CD8B: variants seen among roughly 807,000 people sequenced by gnomAD.
CD8B encodes the protein CD8 subunit beta, also known as T-cell surface glycoprotein CD8 beta chain.
Under a neutral mutation model 24.2 loss-of-function variants are expected in CD8B, and 6 were observed. The observed-to-expected ratio is 0.25, with a 90% CI of 0.14 to 0.49. The LOEUF (loss-of-function observed/expected upper bound fraction) is 0.49. Among genes scored for constraint, CD8B ranks in the 20% least tolerant of loss-of-function variants. The pLI is 0.98. For synonymous variants in CD8B, 84 were observed against 108.3 expected (o/e 0.78, Z 1.39); for missense variants, 196 against 271.3 (o/e 0.72, Z 1.95).
At chr2:86,823,318 G>A (rs1246004322) in intron 5 of CD8B, among the ~76,000 whole-genome samples, 2 of 152,120 alleles carry the variant, frequency 1.3e-5, no homozygotes, top group African/African-American at 4.8e-5. Flanking sequence ...CTGTCACCCA[G>A]GCTGGTTGGT....
intron 5 of CD8B, among the ~76,000 whole-genome samples, chr2:86,823,631 G>A (rs563227635): frequency 5.3e-5 from 8 of 152,238 alleles, no homozygotes; most frequent in Non-Finnish European, 1.2e-4. Flanking sequence ...GCCCTGATTT[G>A]TTTTCATTGT....
At chr2:86,827,021 A>G (rs942282162) in intron 5 of CD8B, among the ~76,000 whole-genome samples, 2 of 152,082 alleles carry the variant, frequency 1.3e-5, no homozygotes, top group East Asian at 1.9e-4. Flanking sequence ...GGGTTTCACC[A>G]TGTTGGCCAG....
At position 86,840,309 on chromosome 2, in the gene CD8B, G is replaced by A. The variant is rs1034440588; in HGVS notation, c.*1998C>T. Among the ~76,000 whole-genome samples, 9 of 152,124 alleles carry A rather than the reference G, an allele frequency of 5.9e-5. No homozygotes were observed. The highest frequency in any genetic ancestry group is 1.3e-4 in the Non-Finnish European group (9 of 68,034). On this transcript the variant is annotated 3_prime_UTR_variant, in exon 6 of 6. Transcript: ENST00000390655. ...GCAAACGGAAAACACCTGGGTCTGG[G>A]GGCAGGGCATCTAAGGCCAATTAAC...
intron 3 of CD8B, among the ~76,000 whole-genome samples, chr2:86,852,140 C>T (rs1676007046): frequency 6.6e-6 from 1 of 152,212 alleles, no homozygotes; most frequent in South Asian, 2.1e-4. Context: ...AATTTTTTTA[C>T]ATTTTCGTAG....
chr2:86,829,295 C>G (rs1674817290), intron 5 of CD8B, among the ~76,000 whole-genome samples: 1 of 151,862 alleles, frequency 6.6e-6, no homozygotes. Context: ...TTAGTAGAGA[C>G]AGGGTTTCAC....
At chr2:86,837,632 G>A (rs1258348149), downstream of CD8B, among the ~76,000 whole-genome samples, 2 of 126,498 alleles carry the variant, frequency 1.6e-5, no homozygotes, top group Non-Finnish European at 3.2e-5. Context: ...ATCACTTTCT[G>A]AAAACAAGTT....
downstream of CD8B, among the ~76,000 whole-genome samples, chr2:86,834,991 A>G (rs1347244619): frequency 6.6e-6 from 1 of 151,670 alleles, no homozygotes; most frequent in African/African-American, 2.4e-5. Context: ...CGCCCCACCA[A>G]ATCGCCTGCC....
At chr2:86,834,750 C>G (rs929355037), downstream of CD8B, among the ~76,000 whole-genome samples, 1 of 152,088 alleles carries the variant, frequency 6.6e-6, no homozygotes, top group Admixed American at 6.6e-5. Flanking sequence ...GCCTGACCAA[C>G]ATGGTGAAAC....
chr2:86,824,491 G>A (rs1047567243), intron 5 of CD8B, among the ~76,000 whole-genome samples: 1 of 152,210 alleles, frequency 6.6e-6, no homozygotes, highest in Non-Finnish European at 1.5e-5. Context: ...GCAGCTAAGG[G>A]AATGAAGAGT....
intron 5 of CD8B, among the ~76,000 whole-genome samples, chr2:86,828,306 T>TTGTGTGTGTGTGTGTGTGTGTGTGTGTG (rs72236144): frequency 7.0e-6 from 1 of 143,430 alleles, no homozygotes; most frequent in African/African-American, 2.5e-5. Flanking sequence ...ATAACTGGAA[T>TTGTGTGTGTGTGTGTGTGTGTGTGTGTG]TGTGTGTGTG....
downstream of CD8B, among the ~76,000 whole-genome samples, chr2:86,833,839 T>C (rs1210757073): frequency 2.6e-5 from 4 of 151,176 alleles, no homozygotes; most frequent in African/African-American, 9.7e-5. Context: ...TTAATAGAGA[T>C]GGGGTTTCAC....
In CD8B at chr2:86,857,982, C is replaced by G. The variant is rs1025129958; in HGVS notation, c.403+75G>C. 7.4e-6 allele frequency: 11 copies of G among 1,483,924 alleles called. 1 individual carries two copies. The highest frequency in any genetic ancestry group is 1.8e-4 in the Middle Eastern group (1 of 5,650). 91.9% of individuals were successfully genotyped at this position (1,483,924 alleles called of 1,614,324 possible). A position where few individuals can be genotyped will look rare whatever the true frequency, so the allele number is the denominator to read the frequency against. ...GGCTGCAGAGTGGGGCACACTGAAG[C>G]CTGGTGGTCCCAGTGCCTGGCACGT... On this transcript the variant is annotated intron_variant, in intron 2 of 5. Transcript: ENST00000390655.
chr2:86,844,131 C>CA (rs1675559462), intron 5 of CD8B, among the ~76,000 whole-genome samples: 1 of 152,022 alleles, frequency 6.6e-6, no homozygotes, highest in African/African-American at 2.4e-5. Context: ...GACCCAGGAC[C>CA]TAATGTCACT....
At chr2:86,851,457 A>G (rs1675973182) in intron 3 of CD8B, among the ~76,000 whole-genome samples, 3 of 152,044 alleles carry the variant, frequency 2.0e-5, no homozygotes, top group African/African-American at 2.4e-5. Flanking sequence ...GAAATCGTTT[A>G]GGTGAAGGGG....
chr2:86,825,287 A>G (rs1040199952), intron 5 of CD8B, among the ~76,000 whole-genome samples: 1 of 152,168 alleles, frequency 6.6e-6, no homozygotes, highest in Non-Finnish European at 1.5e-5. Context: ...GGATGGCGGC[A>G]GCTCTGTCTG....
At chr2:86,830,576 A>G (rs1251956764) in intron 5 of CD8B, among the ~76,000 whole-genome samples, 2 of 152,062 alleles carry the variant, frequency 1.3e-5, no homozygotes, top group Non-Finnish European at 2.9e-5. Flanking sequence ...CCAAAAAAAA[A>G]AAATTATTAT....
At chr2:86,821,141 CTT>C (rs200332790) in intron 5 of CD8B, among the ~76,000 whole-genome samples, 10 of 133,580 alleles carry the variant, frequency 7.5e-5, no homozygotes, top group Non-Finnish European at 1.1e-4. Flanking sequence ...ATCAACTTTA[CTT>C]TTTTTTTTTT....
chr2:86,846,658 C>G, intron 4 of CD8B, 26 bp downstream of exon 4: 13 of 1,359,066 alleles, frequency 9.6e-6, no homozygotes, highest in Non-Finnish European at 1.3e-5. Context: ...CAGGGACACC[C>G]AACAACCCAA....
intron 5 of CD8B, among the ~76,000 whole-genome samples, chr2:86,829,539 T>C (rs1322472386): frequency 6.6e-6 from 1 of 152,072 alleles, no homozygotes; most frequent in East Asian, 1.9e-4. Flanking sequence ...AAGTCTGCCT[T>C]TCTTTATGGT....
Sources: gnomAD v4.1 joint callset for allele counts (sites outside exome capture counted in the v4.1 genomes callset) on GRCh38, gnomAD v4.1.1 for gene constraint, MANE v1.5 for transcripts, NCBI Gene and HGNC (gene_info 2026-07-23, HGNC 2026-07-21) for gene names.